The following LRRC37A2 variants were observed in gnomAD, a reference collection of about 807,000 sequenced individuals.
LRRC37A2 encodes the protein leucine-rich repeat-containing protein 37A2.
A neutral mutation model predicts 68.8 loss-of-function variants in LRRC37A2; 9 were observed. The observed-to-expected ratio is 0.13, with a 90% CI of 0.08 to 0.23. The LOEUF (loss-of-function observed/expected upper bound fraction) is 0.23. LRRC37A2 is among the 10% of genes least tolerant of loss of function. LRRC37A2 has a pLI of 1.00. For synonymous variants in LRRC37A2, 63 were observed against 367.6 expected (o/e 0.17, Z 9.48); for missense variants, 168 against 950.4 (o/e 0.18, Z 10.82).
At chr17:46,998,115 C>T in the LRRC37A2 span, among the ~76,000 whole-genome samples, 9 of 152,094 alleles carry the variant, frequency 5.9e-5, no homozygotes, top group African/African-American at 2.2e-4. Flanking sequence ...AAAATGCTTT[C>T]TGACATAAAA....
At chr17:46,593,166 C>CAA in the LRRC37A2 span, among the ~76,000 whole-genome samples, 1 of 33,388 alleles carries the variant, frequency 3.0e-5, no homozygotes, top group Non-Finnish European at 6.3e-5. Flanking sequence ...TTCATTTTTA[C>CAA]CTCCTTTTCC....
chr17:46,657,130 A>G, the LRRC37A2 span, among the ~76,000 whole-genome samples: 1 of 82,058 alleles, frequency 1.2e-5, no homozygotes, highest in African/African-American at 4.7e-5. Context: ...GTTTTTTACT[A>G]TTATACACTA....
the LRRC37A2 span, among the ~76,000 whole-genome samples, chr17:47,002,708 T>C: frequency 1.3e-5 from 2 of 152,208 alleles, no homozygotes; most frequent in South Asian, 4.2e-4. Context: ...TTTTTAAATA[T>C]ACAATTAAAT....
chr17:46,932,452 G>A, the LRRC37A2 span: 18 of 600,724 alleles, frequency 3.0e-5, no homozygotes. Flanking sequence ...AAATTACCTG[G>A]TTGGGCTGGT....
the LRRC37A2 span, among the ~76,000 whole-genome samples, chr17:46,803,667 C>T: frequency 6.6e-6 from 1 of 152,250 alleles, no homozygotes; most frequent in Non-Finnish European, 1.5e-5. Flanking sequence ...CCCAGGCCTG[C>T]AGCCTGCCCA....
the LRRC37A2 span, among the ~76,000 whole-genome samples, chr17:46,972,621 A>C: frequency 6.6e-6 from 1 of 152,346 alleles, no homozygotes; most frequent in African/African-American, 2.4e-5. Flanking sequence ...TACAGGTTCC[A>C]TGTCCCGGGC....
chr17:46,975,911 A>C, the LRRC37A2 span, among the ~76,000 whole-genome samples: 1 of 152,102 alleles, frequency 6.6e-6, no homozygotes, highest in Non-Finnish European at 1.5e-5. Flanking sequence ...AAGGAAAGAA[A>C]ATGATAAAAG....
chr17:47,022,166 C>CTTTTTTTTTTTTTTTTTTTTTTT, the LRRC37A2 span, among the ~76,000 whole-genome samples: 44 of 15,844 alleles, frequency 2.8e-3, 15 homozygotes, highest in Admixed American at 9.6e-3. Flanking sequence ...CCTTTTTGTT[C>CTTTTTTTTTTTTTTTTTTTTTTT]TCTTTTTTTT....
At chr17:46,755,739 T>TGA in the LRRC37A2 span, 1 of 1,463,810 alleles carries the variant, frequency 6.8e-7, no homozygotes, top group Non-Finnish European at 9.2e-7. Flanking sequence ...TTTTTTTTTT[T>TGA]TTGATGAATA....
chr17:46,691,600 A>G, the LRRC37A2 span, among the ~76,000 whole-genome samples: 1 of 151,652 alleles, frequency 6.6e-6, no homozygotes, highest in Middle Eastern at 3.4e-3. Flanking sequence ...ATCTCAAACA[A>G]ACAAACAAAC....
chr17:46,790,177 G>T, the LRRC37A2 span, among the ~76,000 whole-genome samples: 1 of 152,040 alleles, frequency 6.6e-6, no homozygotes, highest in Non-Finnish European at 1.5e-5. Context: ...CCATTCCTCC[G>T]CAGGCTCCTT....
chr17:47,043,552 C>T, the LRRC37A2 span, among the ~76,000 whole-genome samples: 1 of 151,538 alleles, frequency 6.6e-6, no homozygotes, highest in Non-Finnish European at 1.5e-5. Flanking sequence ...GTCCAGGAGC[C>T]TGACAAGTGG....
At chr17:46,963,543 C>CAAA in the LRRC37A2 span, among the ~76,000 whole-genome samples, 1 of 137,730 alleles carries the variant, frequency 7.3e-6, no homozygotes, top group African/African-American at 2.7e-5. Context: ...GGCTCGGTCT[C>CAAA]AAAAAAAAAA....
At chr17:46,973,187 T>C in the LRRC37A2 span, 1 of 153,886 alleles carries the variant, frequency 6.5e-6, no homozygotes, top group South Asian at 2.0e-4. Context: ...GGGCCATTTC[T>C]GCTGTACCCA....
the LRRC37A2 span, among the ~76,000 whole-genome samples, chr17:46,953,673 A>G: frequency 6.6e-6 from 1 of 152,128 alleles, no homozygotes; most frequent in Non-Finnish European, 1.5e-5. Context: ...AACAGTGTAA[A>G]AGTGTTCCTA....
the LRRC37A2 span, among the ~76,000 whole-genome samples, chr17:46,502,726 T>G: frequency 6.6e-6 from 1 of 151,324 alleles, no homozygotes; most frequent in Non-Finnish European, 1.5e-5. Flanking sequence ...GAGGGTTTTT[T>G]GTTTTTGTTT....
chr17:46,730,507 G>A, the LRRC37A2 span, among the ~76,000 whole-genome samples: 3 of 152,104 alleles, frequency 2.0e-5, no homozygotes, highest in Non-Finnish European at 4.4e-5. Flanking sequence ...AACTATTAAC[G>A]AATGATCTGC....
the LRRC37A2 span, among the ~76,000 whole-genome samples, chr17:46,854,245 A>G: frequency 6.6e-6 from 1 of 152,242 alleles, no homozygotes. Flanking sequence ...CCAGCTTCCC[A>G]TCTGCATTCG....
chr17:46,868,001 C>T, the LRRC37A2 span, among the ~76,000 whole-genome samples: 1,315 of 152,074 alleles, frequency 8.6e-3, 18 homozygotes, highest in African/African-American at 0.03. Flanking sequence ...AGGAGGCGGC[C>T]GCTGTTCACC....
Sources: gnomAD v4.1 joint callset for allele counts (sites outside exome capture counted in the v4.1 genomes callset) on GRCh38, gnomAD v4.1.1 for gene constraint, MANE v1.5 for transcripts, NCBI Gene and HGNC (gene_info 2026-07-23, HGNC 2026-07-21) for gene names.